CD47: variants seen among roughly 807,000 people sequenced by gnomAD.
The protein encoded by CD47 is leukocyte surface antigen CD47.
CD47 carries 11 observed loss-of-function variants against 44.6 expected under a neutral mutation model. That is an observed-to-expected ratio of 0.25 (90% CI 0.16 to 0.41). The LOEUF is 0.41. Ranked by LOEUF, CD47 falls within the 10% of genes least tolerant of loss-of-function variation. The pLI is 1.00. For missense variants in CD47, 306 were observed against 386.7 expected, an observed-to-expected ratio of 0.79 and a Z score of 1.75; for synonymous variants, 140 against 136.3, an observed-to-expected ratio of 1.03 and a Z score of -0.19.
In CD47 at chr3:108,046,426, A is replaced by G. The variant is rs539541763; in HGVS notation, c.*862T>C. The G allele has an allele frequency of 1.9e-4, 29 of 152,748 alleles. No individual in the cohort carries two copies. The highest frequency in any genetic ancestry group is 6.5e-4 in the African/African-American group (27 of 41,568). The allele number at this position is 152,748 out of a possible 1,614,324, so 9.5% of individuals were successfully genotyped here. ...TTACAACCATAGCTATTTTTGCTGA[A>G]AAGTGTGAACACAGTGCTCTGAGAA... On this transcript the variant is annotated 3_prime_UTR_variant, in exon 11 of 11. Transcript: ENST00000361309.
At chr3:108,058,781 C>T (rs1201984129) in intron 5 of CD47, among the ~76,000 whole-genome samples, 1 of 152,180 alleles carries the variant, frequency 6.6e-6, no homozygotes, top group African/African-American at 2.4e-5. Flanking sequence ...GCTGAGGGAA[C>T]CATTATGCAA....
intron 8 of CD47, 66 bp from the exon 9 acceptor site, chr3:108,050,668 C>A: frequency 5.1e-6 from 3 of 586,044 alleles, no homozygotes; most frequent in Non-Finnish European, 9.0e-6. Context: ...TATAGTAAAA[C>A]TTATATATGC....
chr3:108,055,582 T>C, intron 7 of CD47: 1 of 1,298,556 alleles, frequency 7.7e-7, no homozygotes, highest in Non-Finnish European at 1.0e-6. Context: ...ATCAGACAAG[T>C]TGATTTAAAA....
intron 7 of CD47, among the ~76,000 whole-genome samples, chr3:108,055,364 T>C (rs1214850704): frequency 1.3e-5 from 2 of 152,210 alleles, no homozygotes; most frequent in African/African-American, 4.8e-5. Context: ...AAAATTATTT[T>C]GGAGACACTT....
At chr3:108,071,005 T>C in intron 3 of CD47, 88 bp downstream of exon 3, 2 of 614,522 alleles carry the variant, frequency 3.3e-6, no homozygotes, top group Non-Finnish European at 2.8e-6. Flanking sequence ...CTTTTCCTAG[T>C]ACAACTTTAA....
At chr3:108,083,263 C>G (rs2079451521) in intron 1 of CD47, among the ~76,000 whole-genome samples, 1 of 151,924 alleles carries the variant, frequency 6.6e-6, no homozygotes, top group Non-Finnish European at 1.5e-5. Flanking sequence ...AGACTTGAAA[C>G]CTTCATTGGA....
At chr3:108,088,829 C>T (rs1339628502) in intron 1 of CD47, among the ~76,000 whole-genome samples, 1 of 152,168 alleles carries the variant, frequency 6.6e-6, no homozygotes, top group African/African-American at 2.4e-5. Flanking sequence ...TCTTGCATAC[C>T]ATTAAGGTGC....
chr3:108,061,912 C>T (rs1217892703), intron 3 of CD47, among the ~76,000 whole-genome samples: 1 of 151,888 alleles, frequency 6.6e-6, no homozygotes, highest in Admixed American at 6.6e-5. Context: ...CAGTGACAAA[C>T]ATTAAATAAA....
chr3:108,052,368 T>A (rs573320458), intron 7 of CD47: 1 of 198,446 alleles, frequency 5.0e-6, no homozygotes, highest in Non-Finnish European at 1.0e-5. Context: ...CACTACTCCA[T>A]CTCCCTTAGC....
chr3:108,068,902 G>A (rs2079149321), intron 3 of CD47, among the ~76,000 whole-genome samples: 1 of 152,038 alleles, frequency 6.6e-6, no homozygotes, highest in Non-Finnish European at 1.5e-5. Context: ...TTCAAGATGA[G>A]CCAAAACAAA....
intron 5 of CD47, among the ~76,000 whole-genome samples, chr3:108,059,040 A>G (rs1295609768): frequency 6.6e-6 from 1 of 152,226 alleles, no homozygotes; most frequent in East Asian, 1.9e-4. Context: ...AATTAAAACA[A>G]ATATGTTTCT....
chr3:108,043,789 A>T lies in CD47; in HGVS notation c.*3499T>A, dbSNP rs1012433421. The T allele has an allele frequency of 1.8e-4, 27 of 152,600 alleles. No individual in the cohort carries two copies. Among genetic ancestry groups the T allele is most frequent in the Admixed American group, 1.8e-3 (27 of 15,288 alleles). 9.5% of individuals were successfully genotyped at this position (152,600 alleles called of 1,614,324 possible). On this transcript the variant is annotated 3_prime_UTR_variant, in exon 11 of 11. Coordinates refer to ENST00000361309, the MANE Select transcript of CD47 (RefSeq NM_001777.4). ...CAAATGCTTTCTTTTTTTCAAAAAGAGAAATTTATGAGAAAGCTGGTCTTC... is the reference window on the plus strand; with the variant it reads ...CAAATGCTTTCTTTTTTTCAAAAAGTGAAATTTATGAGAAAGCTGGTCTTC...
chr3:108,064,987 A>C (rs2108243424), intron 3 of CD47, among the ~76,000 whole-genome samples: 1 of 152,356 alleles, frequency 6.6e-6, no homozygotes, highest in South Asian at 2.1e-4. Context: ...TAATACACTT[A>C]TTTAACACAC....
intron 7 of CD47, chr3:108,054,842 C>G (rs949357996): frequency 1.3e-5 from 2 of 152,120 alleles, no homozygotes; most frequent in African/African-American, 4.8e-5. Flanking sequence ...CTTACTGCTA[C>G]CAGATTGATT....
chr3:108,077,912 C>T (rs757750593), intron 2 of CD47, among the ~76,000 whole-genome samples: 3 of 151,878 alleles, frequency 2.0e-5, no homozygotes, highest in Non-Finnish European at 2.9e-5. Flanking sequence ...TGGGAGGTGG[C>T]GGTATGACTA....
intron 3 of CD47, among the ~76,000 whole-genome samples, chr3:108,063,868 T>C (rs80288867): frequency 1.3e-5 from 2 of 152,316 alleles, no homozygotes; most frequent in East Asian, 3.9e-4. Context: ...AGTAATTACA[T>C]GCTTAACAAA....
chr3:108,049,946 TG>T (rs528191024), intron 9 of CD47, among the ~76,000 whole-genome samples: 208 of 152,296 alleles, frequency 1.4e-3, no homozygotes, highest in African/African-American at 4.8e-3. Flanking sequence ...CATCACAAAT[TG>T]GAAGTAATTG....
intron 1 of CD47, among the ~76,000 whole-genome samples, chr3:108,083,909 T>C (rs2079466035): frequency 6.6e-6 from 1 of 150,954 alleles, no homozygotes. Context: ...TTTTTTTTTT[T>C]TGCTTCCTTT....
Position 108,080,103 on chromosome 3 carries a change from G to A in CD47, c.288C>T (p.Ala96=), listed in dbSNP as rs181627653. 3 of 1,612,928 alleles carry A rather than the reference G, an allele frequency of 1.9e-6. No individual in the cohort carries two copies. The African/African-American group carries it at 4.0e-5, about 22-fold the overall frequency. Residue 96 remains alanine (A), a synonymous_variant, in exon 2 of 11, where the codon GCC becomes GCT. Coordinates refer to ENST00000361309, the MANE Select transcript of CD47 (RefSeq NM_001777.4). ...CATCACTCTTATCCATCTTCAAAGA[G>A]GCATCTCCTTTTAGTAATTGTGAGA... ...IEVSQLLKGD[A]SLKMDKSDAV...
Sources: gnomAD v4.1 joint callset for allele counts (sites outside exome capture counted in the v4.1 genomes callset) on GRCh38, gnomAD v4.1.1 for gene constraint, MANE v1.5 for transcripts, NCBI Gene and HGNC (gene_info 2026-07-23, HGNC 2026-07-21) for gene names.